Variants in SDHAF4 observed in about 807,000 individuals in gnomAD.
The protein encoded by SDHAF4 is succinate dehydrogenase assembly factor 4, mitochondrial.
SDHAF4 carries 14 observed loss-of-function variants against 14.3 expected under a neutral mutation model. The ratio of observed to expected loss-of-function variants is 0.98; its 90% confidence interval spans 0.65 to 1.53. SDHAF4 has a LOEUF of 1.53. Among genes scored for constraint, SDHAF4 ranks in the 40% most tolerant of loss-of-function variants. The pLI, the probability that SDHAF4 is intolerant of heterozygous loss-of-function variation, is 0.00. For synonymous variants in SDHAF4, 63 were observed against 47.3 expected, an observed-to-expected ratio of 1.33 and a Z score of -1.36; for missense variants, 141 against 129.3, an observed-to-expected ratio of 1.09 and a Z score of -0.44.
At chr6:70,586,389 C>A (rs1485740666) in intron 2 of SDHAF4, among the ~76,000 whole-genome samples, 1 of 151,076 alleles carries the variant, frequency 6.6e-6, no homozygotes, top group Non-Finnish European at 1.5e-5. Context: ...CCCTTTCAAG[C>A]CTTGCCAGAG....
chr6:70,572,058 C>CTTTTTTT (rs66688860), intron 1 of SDHAF4, among the ~76,000 whole-genome samples: 15 of 53,512 alleles, frequency 2.8e-4, no homozygotes, highest in East Asian at 6.1e-4. Context: ...CTTTTTTTGT[C>CTTTTTTT]TTTTTTTTTT....
intron 1 of SDHAF4, among the ~76,000 whole-genome samples, chr6:70,567,840 C>A (rs925737181): frequency 2.6e-5 from 4 of 152,100 alleles, no homozygotes; most frequent in Non-Finnish European, 5.9e-5. Context: ...CGCCCGCCAC[C>A]GTGCCTGACT....
At chr6:70,569,442 G>C (rs1029919773) in intron 1 of SDHAF4, among the ~76,000 whole-genome samples, 3 of 151,978 alleles carry the variant, frequency 2.0e-5, no homozygotes, top group South Asian at 4.1e-4. Flanking sequence ...ATAATTTTTT[G>C]TATTTTTGGT....
intron 1 of SDHAF4, among the ~76,000 whole-genome samples, chr6:70,571,605 GC>G (rs1802178895): frequency 1.3e-5 from 2 of 152,086 alleles, no homozygotes; most frequent in Non-Finnish European, 2.9e-5. Flanking sequence ...GAGCCACCGC[GC>G]CCAGCCTTCC....
At chr6:70,583,593 A>G (rs974040992) in intron 2 of SDHAF4, among the ~76,000 whole-genome samples, 1 of 152,192 alleles carries the variant, frequency 6.6e-6, no homozygotes, top group African/African-American at 2.4e-5. Flanking sequence ...AGGGTTGTCC[A>G]ATCTCTTGGC....
rs766626690 is a variant in SDHAF4 at position 70,571,347 on chromosome 6, T to C, written c.64+4343T>C. Reference sequence around the variant, plus strand: ...TATAATGTTGTATTTGTTGTGCTTATATTTTGTTTAGAAATTGGCCTGTAA... The same window carrying C: ...TATAATGTTGTATTTGTTGTGCTTACATTTTGTTTAGAAATTGGCCTGTAA... On this transcript the variant is annotated intron_variant, in intron 1 of 2. Transcript: ENST00000370474. Among the ~76,000 whole-genome samples the C allele has an allele frequency of 5.7e-4, 87 of 152,332 alleles. 1 individual carries two copies. Among genetic ancestry groups the C allele is most frequent in the Non-Finnish European group, 1.0e-3 (71 of 68,028 alleles).
chr6:70,567,108 C>A, intron 1 of SDHAF4, 104 bp downstream of exon 1: 2 of 1,184,060 alleles, frequency 1.7e-6, no homozygotes, highest in Non-Finnish European at 2.4e-6. Context: ...CCTGGCCGTT[C>A]GGTGTTGCCA....
At chr6:70,598,151 G>A in the SDHAF4 span, among the ~76,000 whole-genome samples, 1 of 152,156 alleles carries the variant, frequency 6.6e-6, no homozygotes, top group Non-Finnish European at 1.5e-5. Context: ...GCCGAGGTGG[G>A]TGGATCCCTT....
downstream of SDHAF4, among the ~76,000 whole-genome samples, chr6:70,594,442 G>C (rs1204747747): frequency 2.6e-5 from 4 of 152,094 alleles, no homozygotes; most frequent in Non-Finnish European, 5.9e-5. Context: ...AGGCATTAGT[G>C]GCTTTATAAG....
At chr6:70,574,636 CTA>C (rs1412961124) in intron 1 of SDHAF4, among the ~76,000 whole-genome samples, 1 of 151,952 alleles carries the variant, frequency 6.6e-6, no homozygotes, top group African/African-American at 2.4e-5. Context: ...TGGTTTTTAT[CTA>C]TGTTTTAAAT....
chr6:70,588,832 A>C lies in SDHAF4; in HGVS notation c.*108A>C. The stretch of plus-strand genomic sequence containing the variant: ...ATCCTTTATGTCGTGTAGTTTGTAT[A>C]ATGTGTTTAAATATATATATATATG... On this transcript the variant is annotated 3_prime_UTR_variant, in exon 3 of 3. Transcript: ENST00000370474. 1 of 377,362 alleles carries C rather than the reference A, an allele frequency of 2.6e-6. No individual in the cohort carries two copies. Among genetic ancestry groups the C allele is most frequent in the Non-Finnish European group, 4.7e-6 (1 of 213,014 alleles). The allele number at this position is 377,362 out of a possible 1,614,324, so 23.4% of individuals were successfully genotyped here.
intron 1 of SDHAF4, among the ~76,000 whole-genome samples, chr6:70,573,179 CTA>C (rs1802206957): frequency 6.7e-6 from 1 of 150,282 alleles, no homozygotes; most frequent in East Asian, 1.9e-4. Flanking sequence ...TCATTTGTCT[CTA>C]TGCGTTTTTC....
At chr6:70,581,466 T>C (rs1444133391) in intron 2 of SDHAF4, among the ~76,000 whole-genome samples, 1 of 152,200 alleles carries the variant, frequency 6.6e-6, no homozygotes, top group Admixed American at 6.5e-5. Context: ...ATACAGCAGG[T>C]ACTCTTCAAT....
At chr6:70,590,279 C>G (rs116918887), downstream of SDHAF4, among the ~76,000 whole-genome samples, 15 of 152,132 alleles carry the variant, frequency 9.9e-5, no homozygotes, top group East Asian at 2.7e-3. Context: ...AGCACACATT[C>G]AAGAAAGGGG....
intron 1 of SDHAF4, among the ~76,000 whole-genome samples, chr6:70,570,088 C>T (rs1802160407): frequency 6.6e-6 from 1 of 152,020 alleles, no homozygotes; most frequent in African/African-American, 2.4e-5. Flanking sequence ...TTTCTCAGTC[C>T]CATTGACCTA....
At chr6:70,578,366 A>G (rs1802281801) in intron 1 of SDHAF4, among the ~76,000 whole-genome samples, 1 of 152,040 alleles carries the variant, frequency 6.6e-6, no homozygotes, top group Non-Finnish European at 1.5e-5. Flanking sequence ...GGCCGCTTAT[A>G]TGTCTTCTTT....
At chr6:70,598,224 A>G in the SDHAF4 span, among the ~76,000 whole-genome samples, 8 of 152,036 alleles carry the variant, frequency 5.3e-5, no homozygotes, top group East Asian at 3.9e-4. Flanking sequence ...TAAAACTACA[A>G]AAAAAGTAGC....
At chr6:70,581,583 G>GTGTA (rs1802323447) in intron 2 of SDHAF4, among the ~76,000 whole-genome samples, 1 of 152,052 alleles carries the variant, frequency 6.6e-6, no homozygotes, top group Non-Finnish European at 1.5e-5. Flanking sequence ...ATTTTTGTGT[G>GTGTA]TGTATGTATG....
chr6:70,597,490 C>T, the SDHAF4 span, among the ~76,000 whole-genome samples: 4 of 151,788 alleles, frequency 2.6e-5, no homozygotes, highest in South Asian at 8.3e-4. Flanking sequence ...GAAACAGATC[C>T]CCTGCCATCT....
Sources: gnomAD v4.1 joint callset for allele counts (sites outside exome capture counted in the v4.1 genomes callset) on GRCh38, gnomAD v4.1.1 for gene constraint, MANE v1.5 for transcripts, NCBI Gene and HGNC (gene_info 2026-07-23, HGNC 2026-07-21) for gene names.